Variants in DLGAP1 observed in about 807,000 individuals in gnomAD.
DLGAP1 encodes the protein DLG associated protein 1, also known as disks large-associated protein 1.
DLGAP1 carries 11 observed loss-of-function variants against 90.8 expected under a neutral mutation model. The ratio of observed to expected loss-of-function variants is 0.12; its 90% confidence interval spans 0.08 to 0.20. DLGAP1 has a LOEUF of 0.20. Among genes scored for constraint, DLGAP1 ranks in the 10% least tolerant of loss-of-function variants. The pLI is 1.00. For missense variants in DLGAP1, 1,050 were observed against 1,333.8 expected (o/e 0.79, Z 3.31); for synonymous variants, 558 against 540.7 (o/e 1.03, Z -0.44).
At chr18:3,945,518 C>A (rs368086245) in intron 3 of DLGAP1, among the ~76,000 whole-genome samples, 121 of 152,092 alleles carry the variant, frequency 8.0e-4, no homozygotes, top group Non-Finnish European at 1.5e-3. Context: ...GAGATAAAAT[C>A]AGGTTAAAGT....
intron 3 of DLGAP1, among the ~76,000 whole-genome samples, chr18:3,972,974 CCA>C (rs1301456921): frequency 6.6e-6 from 1 of 152,204 alleles, no homozygotes; most frequent in Admixed American, 6.5e-5. Context: ...GCTTCAGACT[CCA>C]AAAGGATAAC....
chr18:3,979,252 T>C (rs968410631), intron 3 of DLGAP1, among the ~76,000 whole-genome samples: 15 of 152,142 alleles, frequency 9.9e-5, no homozygotes, highest in African/African-American at 2.7e-4. Flanking sequence ...TTTTTTTCTA[T>C]GTTTAGATGC....
At chr18:3,629,634 C>G (rs58820545) in intron 7 of DLGAP1, among the ~76,000 whole-genome samples, 1 of 151,208 alleles carries the variant, frequency 6.6e-6, no homozygotes, top group Admixed American at 6.6e-5. Flanking sequence ...ATCGCGCCAC[C>G]GCACTCCAGC....
intron 1 of DLGAP1, among the ~76,000 whole-genome samples, chr18:4,163,810 T>C (rs73369076): frequency 0.031 from 4,746 of 152,294 alleles, 246 homozygotes; most frequent in African/African-American, 0.11. Context: ...CTGTGTCCCT[T>C]TTCTGCACCT....
intron 1 of DLGAP1, among the ~76,000 whole-genome samples, chr18:4,389,885 A>G (rs188386269): frequency 6.6e-6 from 1 of 152,214 alleles, no homozygotes; most frequent in Non-Finnish European, 1.5e-5. Flanking sequence ...TTTAAATATT[A>G]CTGGTGAATA....
intron 1 of DLGAP1, chr18:4,293,472 A>G (rs1432313469): frequency 6.6e-6 from 1 of 152,230 alleles, no homozygotes; most frequent in Non-Finnish European, 1.5e-5. Flanking sequence ...CCAAAACAAT[A>G]CTGAATCATG....
chr18:3,551,735 CCTTCCTT>C (rs2053480923), intron 9 of DLGAP1, among the ~76,000 whole-genome samples: 2 of 60,328 alleles, frequency 3.3e-5, no homozygotes, highest in Non-Finnish European at 6.0e-5. Flanking sequence ...TTCCTTCCTT[CCTTCCTT>C]CCTTCCTTCC....
intron 1 of DLGAP1, among the ~76,000 whole-genome samples, chr18:4,310,050 ATC>A (rs1466078461): frequency 6.6e-6 from 1 of 152,120 alleles, no homozygotes; most frequent in African/African-American, 2.4e-5. Context: ...ATATTTTTGT[ATC>A]TAATTCAATT....
chr18:3,680,973 T>G (rs2146892297), intron 7 of DLGAP1, among the ~76,000 whole-genome samples: 1 of 152,172 alleles, frequency 6.6e-6, no homozygotes, highest in East Asian at 1.9e-4. Context: ...TAAGAAGGCT[T>G]CCTCCCAATG....
chr18:3,988,942 C>A (rs963292992), intron 3 of DLGAP1, among the ~76,000 whole-genome samples: 15 of 152,240 alleles, frequency 9.9e-5, no homozygotes, highest in African/African-American at 3.4e-4. Flanking sequence ...GGATAAACAG[C>A]TGAATGCAAA....
At chr18:3,887,940 C>T (rs1426850161) in intron 3 of DLGAP1, among the ~76,000 whole-genome samples, 2 of 151,520 alleles carry the variant, frequency 1.3e-5, no homozygotes, top group Non-Finnish European at 2.9e-5. Flanking sequence ...AACCCCGTCT[C>T]TACTAAAAAT....
chr18:4,343,030 G>A (rs771683581), intron 1 of DLGAP1, among the ~76,000 whole-genome samples: 10 of 152,062 alleles, frequency 6.6e-5, no homozygotes, highest in East Asian at 1.9e-4. Context: ...TTATGGGGCC[G>A]GGCGCGGTGG....
At chr18:3,741,995 A>G (rs1312123436) in intron 6 of DLGAP1, among the ~76,000 whole-genome samples, 1 of 152,028 alleles carries the variant, frequency 6.6e-6, no homozygotes, top group Non-Finnish European at 1.5e-5. Context: ...GATGGGTGCC[A>G]CCATGCCAGG....
At chr18:3,856,605 T>C (rs189593286) in intron 4 of DLGAP1, among the ~76,000 whole-genome samples, 1,962 of 152,250 alleles carry the variant, frequency 0.013, 25 homozygotes, top group South Asian at 0.051. Flanking sequence ...CTCATGCCTG[T>C]AATCCCAGCA....
intron 2 of DLGAP1, among the ~76,000 whole-genome samples, chr18:4,024,010 C>T (rs1002370579): frequency 6.6e-6 from 1 of 151,966 alleles, no homozygotes; most frequent in African/African-American, 2.4e-5. Context: ...GCATTTATCT[C>T]GATGTAATTG....
intron 7 of DLGAP1, among the ~76,000 whole-genome samples, chr18:3,587,441 A>G (rs1182867835): frequency 1.3e-5 from 2 of 152,192 alleles, no homozygotes; most frequent in Admixed American, 6.5e-5. Context: ...AAACGCACCA[A>G]TCAGCACCTG....
intron 2 of DLGAP1, among the ~76,000 whole-genome samples, chr18:4,136,588 TTAGA>T (rs1481546203): frequency 6.6e-6 from 1 of 152,202 alleles, no homozygotes; most frequent in Non-Finnish European, 1.5e-5. Flanking sequence ...AATTGCATTA[TTAGA>T]TATTTTCCTA....
chr18:4,306,831 TTTA>T (rs759825043), intron 1 of DLGAP1, among the ~76,000 whole-genome samples: 1 of 152,180 alleles, frequency 6.6e-6, no homozygotes, highest in Non-Finnish European at 1.5e-5. Flanking sequence ...TTCACAAGAA[TTTA>T]TTAAGTCTAT....
intron 5 of DLGAP1, among the ~76,000 whole-genome samples, chr18:3,759,372 C>A (rs935344086): frequency 1.3e-5 from 2 of 152,076 alleles, no homozygotes; most frequent in African/African-American, 4.8e-5. Context: ...ATGCTAGAAG[C>A]TGGAATAACC....
Sources: allele counts gnomAD v4.1 joint callset (sites outside exome capture counted in the v4.1 genomes callset), GRCh38; gene constraint gnomAD v4.1.1; transcripts MANE v1.5; gene names NCBI Gene and HGNC (gene_info 2026-07-23, HGNC 2026-07-21).